The following ST6GALNAC5 variants were observed in gnomAD, a reference collection of about 807,000 sequenced individuals.
ST6GALNAC5 encodes ST6 N-acetylgalactosaminide alpha-2,6-sialyltransferase 5.
A neutral mutation model predicts 33.6 loss-of-function variants in ST6GALNAC5; 27 were observed. The observed-to-expected ratio is 0.80, with a 90% confidence interval of 0.59 to 1.11. The LOEUF (loss-of-function observed/expected upper bound fraction) is 1.11, where lower values mean the gene tolerates loss of function less well. Ranked by LOEUF, ST6GALNAC5 falls within the 50% of genes least tolerant of loss-of-function variation. The pLI is 0.00. For synonymous variants in ST6GALNAC5, 194 were observed against 171.2 expected, an observed-to-expected ratio of 1.13 and a Z score of -1.04; for missense variants, 428 against 454.0, an observed-to-expected ratio of 0.94 and a Z score of 0.52.
intron 3 of ST6GALNAC5, among the ~76,000 whole-genome samples, chr1:77,049,353 G>A (rs1165998575): frequency 2.0e-5 from 3 of 152,112 alleles, no homozygotes; most frequent in Non-Finnish European, 4.4e-5. Flanking sequence ...ACTGGCTAAT[G>A]AGGCATGCCG....
At chr1:76,956,654 A>G (rs1648002558) in intron 2 of ST6GALNAC5, among the ~76,000 whole-genome samples, 1 of 151,978 alleles carries the variant, frequency 6.6e-6, no homozygotes, top group Non-Finnish European at 1.5e-5. Context: ...CAGTGGAGGA[A>G]CTGTTTTGTC....
intron 3 of ST6GALNAC5, among the ~76,000 whole-genome samples, chr1:77,048,420 C>T (rs1449041843): frequency 6.6e-6 from 1 of 152,232 alleles, no homozygotes; most frequent in Non-Finnish European, 1.5e-5. Flanking sequence ...TGCATTGTCG[C>T]AGCCCATAGG....
chr1:76,868,770 C>T lies in ST6GALNAC5; in HGVS notation c.261+28C>T. 1 of 1,468,116 alleles carries T rather than the reference C, an allele frequency of 6.8e-7. No homozygotes were observed. The highest frequency in any genetic ancestry group is 9.0e-7 in the Non-Finnish European group (1 of 1,115,260). The allele number at this position is 1,468,116 out of a possible 1,614,324, so 90.9% of individuals were successfully genotyped here. A position where few individuals can be genotyped will look rare whatever the true frequency, so the allele number is the denominator to read the frequency against. ...GACAGCATGCCCGCCAGCCCGCTCG[C>T]CACTCAGCCTGGGGATCCCGCACAC... On this transcript the variant is annotated intron_variant, in intron 2 of 4. Coordinates refer to ENST00000477717, the MANE Select transcript of ST6GALNAC5 (RefSeq NM_030965.3). The surrounding 1 kb of genome is among the most constrained non-coding windows in gnomAD (Gnocchi z 4.3).
At chr1:77,011,589 A>T (rs898490625) in intron 2 of ST6GALNAC5, among the ~76,000 whole-genome samples, 6 of 152,092 alleles carry the variant, frequency 3.9e-5, no homozygotes, top group African/African-American at 1.4e-4. Flanking sequence ...TTTTATTTTT[A>T]TTTTATCTGT....
chr1:76,963,875 C>T (rs1411305373), intron 2 of ST6GALNAC5, among the ~76,000 whole-genome samples: 1 of 152,086 alleles, frequency 6.6e-6, no homozygotes, highest in Middle Eastern at 3.2e-3. Flanking sequence ...TGAACCCAAC[C>T]TAATCATATG....
intron 2 of ST6GALNAC5, among the ~76,000 whole-genome samples, chr1:76,918,821 A>G (rs536291716): frequency 6.6e-6 from 1 of 152,094 alleles, no homozygotes; most frequent in Non-Finnish European, 1.5e-5. Context: ...ATAGAGTTTC[A>G]ATGGGGTTTA....
chr1:77,029,156 A>G (rs1214291116), intron 2 of ST6GALNAC5, among the ~76,000 whole-genome samples: 1 of 152,224 alleles, frequency 6.6e-6, no homozygotes. Context: ...TGACATGATC[A>G]GAACTGTATT....
At chr1:76,999,230 T>C (rs1437389906) in intron 2 of ST6GALNAC5, among the ~76,000 whole-genome samples, 1 of 152,188 alleles carries the variant, frequency 6.6e-6, no homozygotes, top group Non-Finnish European at 1.5e-5. Flanking sequence ...GGCCCTTTTC[T>C]GTAATTAAAA....
intron 2 of ST6GALNAC5, among the ~76,000 whole-genome samples, chr1:76,930,224 G>A (rs1647126302): frequency 6.6e-6 from 1 of 152,110 alleles, no homozygotes; most frequent in Non-Finnish European, 1.5e-5. Flanking sequence ...TCAAGATAGT[G>A]ATAGTACCTA....
chr1:76,913,653 C>T (rs1223389043), intron 2 of ST6GALNAC5, among the ~76,000 whole-genome samples: 5 of 152,088 alleles, frequency 3.3e-5, no homozygotes, highest in African/African-American at 9.7e-5. Flanking sequence ...TCCCTTCTCG[C>T]TTCATTTCAT....
chr1:77,033,024 G>A (rs552090264), intron 2 of ST6GALNAC5, among the ~76,000 whole-genome samples: 35 of 152,278 alleles, frequency 2.3e-4, no homozygotes, highest in Non-Finnish European at 4.1e-4. Context: ...TCTAATGAGC[G>A]CAGGGGGCCT....
At chr1:77,037,921 T>C (rs1011193174) in intron 2 of ST6GALNAC5, among the ~76,000 whole-genome samples, 14 of 152,188 alleles carry the variant, frequency 9.2e-5, no homozygotes, top group African/African-American at 3.4e-4. Flanking sequence ...AATTTGGGCT[T>C]GAGCACCTGG....
intron 2 of ST6GALNAC5, among the ~76,000 whole-genome samples, chr1:76,936,624 A>G (rs1647206097): frequency 1.3e-5 from 2 of 152,086 alleles, no homozygotes; most frequent in African/African-American, 4.8e-5. Flanking sequence ...AATATTTTCT[A>G]TGGCGTAGTT....
intron 2 of ST6GALNAC5, 127 bp from the exon 3 acceptor site, chr1:77,044,077 C>G: frequency 9.3e-7 from 1 of 1,071,328 alleles, no homozygotes; most frequent in Non-Finnish European, 1.3e-6. Flanking sequence ...AAGGGATATA[C>G]TCTGACATGA....
intron 2 of ST6GALNAC5, among the ~76,000 whole-genome samples, chr1:76,922,935 CAAAAAAA>C (rs552411649): frequency 1.1e-4 from 10 of 93,390 alleles, no homozygotes; most frequent in African/African-American, 3.3e-4. Context: ...AACCTTGCCT[CAAAAAAA>C]AAAAAAAGAA....
chr1:76,974,468 G>C (rs998660085), intron 2 of ST6GALNAC5, among the ~76,000 whole-genome samples: 1 of 152,000 alleles, frequency 6.6e-6, no homozygotes, highest in Middle Eastern at 3.4e-3. Context: ...CTCCCAAAGT[G>C]TTGGGTTCCA....
intron 2 of ST6GALNAC5, among the ~76,000 whole-genome samples, chr1:76,914,783 A>G (rs1277669897): frequency 1.3e-5 from 2 of 152,212 alleles, no homozygotes; most frequent in Non-Finnish European, 2.9e-5. Flanking sequence ...AGGCATGGGC[A>G]AGGACTTCAT....
chr1:76,983,705 T>C (rs568229615), intron 2 of ST6GALNAC5, among the ~76,000 whole-genome samples: 2 of 152,342 alleles, frequency 1.3e-5, no homozygotes, highest in African/African-American at 4.8e-5. Flanking sequence ...CAACAGGATA[T>C]ACATTCTTCT....
intron 2 of ST6GALNAC5, among the ~76,000 whole-genome samples, chr1:76,911,355 T>C (rs1046395264): frequency 6.6e-5 from 10 of 152,188 alleles, no homozygotes; most frequent in Admixed American, 3.9e-4. Context: ...CAGTATTTTA[T>C]TGAGGATTTT....
Sources: allele counts gnomAD v4.1 joint callset (sites outside exome capture counted in the v4.1 genomes callset), GRCh38; gene constraint gnomAD v4.1.1; non-coding constraint Gnocchi (gnomAD v3.1); transcripts MANE v1.5; gene names NCBI Gene and HGNC (gene_info 2026-07-23, HGNC 2026-07-21).